Variants in SENP7 observed in about 807,000 individuals in gnomAD.
The protein encoded by SENP7 is SUMO specific peptidase 7.
Under a neutral mutation model 141.2 loss-of-function variants are expected in SENP7, and 64 were observed. The observed-to-expected ratio is 0.45, with a 90% CI of 0.37 to 0.56. SENP7 has a LOEUF of 0.56. Ranked by LOEUF, SENP7 falls within the 20% of genes least tolerant of loss-of-function variation. The pLI is 0.00. For synonymous variants in SENP7, 382 were observed against 426.4 expected, an observed-to-expected ratio of 0.90 and a Z score of 1.28; for missense variants, 1,025 against 1,212.2, an observed-to-expected ratio of 0.85 and a Z score of 2.29.
At chr3:101,503,531 A>G (rs986487064) in intron 1 of SENP7, among the ~76,000 whole-genome samples, 1 of 152,278 alleles carries the variant, frequency 6.6e-6, no homozygotes, top group Admixed American at 6.5e-5. Context: ...AATTACTGCT[A>G]CGCACAATAT....
At chr3:101,463,364 AATATATATATATATATATATAT>A (rs71625265) in intron 3 of SENP7, among the ~76,000 whole-genome samples, 2 of 89,222 alleles carry the variant, frequency 2.2e-5, no homozygotes, top group Non-Finnish European at 4.5e-5. Context: ...TAAATAAATA[AATATATATATATATATATATAT>A]ATATATATAT....
rs771992546 is a variant in SENP7, at chr3:101,343,944, A to G, written c.1848T>C (p.Ser616=). Residue 616 remains serine (S), a synonymous_variant, in exon 14 of 24, where the codon AGT becomes AGC. Coordinates refer to ENST00000394095, the MANE Select transcript of SENP7 (RefSeq NM_020654.5). ...TGTGTAGTTCAAGGAAAATGAATTC[A>G]CTAGATTTTGCTACAAAAGGAAAAA... The part of the protein sequence containing the change: ...HSVLSQQSKS[S]EFIFLELHNP... 6.4e-7 allele frequency: 1 copy of G among 1,568,448 alleles called. No individual in the cohort carries two copies. Among genetic ancestry groups the G allele is most frequent in the African/African-American group, 1.4e-5 (1 of 73,024 alleles).
In SENP7 at chr3:101,513,061, A is replaced by G. The variant is rs760946232; in HGVS notation, c.40+30T>C. The G allele has an allele frequency of 6.2e-6, 10 of 1,611,584 alleles. No individual in the cohort carries two copies. In the South Asian group the frequency reaches 1.1e-4, roughly 18 times the overall value. ...CCGTTTCCCCCGGGTAGGAGACAAT[A>G]TGTTCAGCCCTTCTCTGACCCTTTC... On this transcript the variant is annotated intron_variant, in intron 1 of 23. Transcript: ENST00000394095.
chr3:101,483,251 T>C (rs941637705), intron 3 of SENP7, among the ~76,000 whole-genome samples: 6 of 152,110 alleles, frequency 3.9e-5, no homozygotes, highest in African/African-American at 1.4e-4. Context: ...CACCATGGAA[T>C]GCTATGCGGC....
intron 6 of SENP7, among the ~76,000 whole-genome samples, chr3:101,387,737 T>C (rs1273168564): frequency 6.6e-6 from 1 of 152,194 alleles, no homozygotes; most frequent in Admixed American, 6.5e-5. Flanking sequence ...CCCATGATTC[T>C]TCCGGGAGCC....
In SENP7 at chr3:101,375,546, A is replaced by G. The variant is rs1442260055; in HGVS notation, c.678-3420T>C. On this transcript the variant is annotated intron_variant, in intron 6 of 23. Coordinates refer to ENST00000394095, the MANE Select transcript of SENP7 (RefSeq NM_020654.5). ...AACAAGAGCGAAATTCCATCTCCAA[A>G]AAAAAAAAAAAAAAAAAAAAAAGAA... Among the ~76,000 whole-genome samples the G allele has an allele frequency of 3.8e-4, 55 of 144,864 alleles. No homozygotes were observed. In the East Asian group the frequency reaches 0.011, roughly 28 times the overall value.
chr3:101,445,698 A>G (rs76941326), intron 4 of SENP7, among the ~76,000 whole-genome samples: 14,240 of 152,204 alleles, frequency 0.094, 783 homozygotes, highest in African/African-American at 0.15. Flanking sequence ...AAAAATATAT[A>G]TATCACACAA....
chr3:101,428,640 C>A (rs994911422), intron 4 of SENP7, among the ~76,000 whole-genome samples: 1 of 152,108 alleles, frequency 6.6e-6, no homozygotes. Context: ...TCTCCCATTC[C>A]ATAGGTTGCC....
chr3:101,349,615 C>T (rs2059562845), intron 12 of SENP7, among the ~76,000 whole-genome samples: 1 of 152,032 alleles, frequency 6.6e-6, no homozygotes. Flanking sequence ...AGCATACCAA[C>T]ATGGCACATG....
intron 8 of SENP7, 43 bp from the exon 9 acceptor site, chr3:101,366,812 G>T: frequency 7.3e-7 from 1 of 1,370,474 alleles, no homozygotes; most frequent in East Asian, 2.3e-5. Flanking sequence ...TTTCAAATTT[G>T]GCTTGCTTAA....
chr3:101,499,894 C>A (rs570537667), intron 2 of SENP7, among the ~76,000 whole-genome samples: 1 of 152,200 alleles, frequency 6.6e-6, no homozygotes, highest in African/African-American at 2.4e-5. Flanking sequence ...GTCTTGAACT[C>A]CTGACCTAAG....
intron 5 of SENP7, chr3:101,414,403 C>G (rs1286814043): frequency 1.1e-6 from 1 of 873,598 alleles, no homozygotes; most frequent in Non-Finnish European, 1.9e-6. Flanking sequence ...GCTTCTGGCT[C>G]AAGCCCAGGC....
chr3:101,428,789 T>A (rs1476607513), intron 4 of SENP7, among the ~76,000 whole-genome samples: 9 of 152,346 alleles, frequency 5.9e-5, no homozygotes. Context: ...CTGAATGATA[T>A]TGCCTAGGTT....
At chr3:101,464,090 G>A (rs1180153081) in intron 3 of SENP7, among the ~76,000 whole-genome samples, 1 of 152,138 alleles carries the variant, frequency 6.6e-6, no homozygotes, top group Non-Finnish European at 1.5e-5. Flanking sequence ...CTCCAAAAGT[G>A]CTGGAATTAC....
At chr3:101,435,189 A>G (rs1026676939) in intron 4 of SENP7, among the ~76,000 whole-genome samples, 1 of 151,606 alleles carries the variant, frequency 6.6e-6, no homozygotes, top group African/African-American at 2.4e-5. Flanking sequence ...ATTTCTGTTC[A>G]TGCTGAAAAA....
intron 4 of SENP7, among the ~76,000 whole-genome samples, chr3:101,445,009 C>T (rs1214054789): frequency 6.6e-6 from 1 of 151,932 alleles, no homozygotes; most frequent in African/African-American, 2.4e-5. Context: ...AGATTCAATC[C>T]AAGACACTAA....
intron 1 of SENP7, 111 bp downstream of exon 1, chr3:101,512,980 C>T (rs2065924868): frequency 8.1e-7 from 1 of 1,241,044 alleles, no homozygotes; most frequent in Non-Finnish European, 1.2e-6. Context: ...CCTCTCCCCG[C>T]CCCCGCCCTC....
chr3:101,341,542 G>T, intron 15 of SENP7, 104 bp downstream of exon 15: 1 of 1,073,750 alleles, frequency 9.3e-7, no homozygotes, highest in Non-Finnish European at 1.2e-6. Context: ...CAGCATGAAA[G>T]TAAAACTTAA....
chr3:101,430,247 G>C (rs966070828), intron 4 of SENP7, among the ~76,000 whole-genome samples: 2 of 152,184 alleles, frequency 1.3e-5, no homozygotes, highest in African/African-American at 2.4e-5. Flanking sequence ...GATTGGAATA[G>C]TTTCAGAAGG....
Sources: allele counts gnomAD v4.1 joint callset (sites outside exome capture counted in the v4.1 genomes callset), GRCh38; gene constraint gnomAD v4.1.1; transcripts MANE v1.5; gene names NCBI Gene and HGNC (gene_info 2026-07-23, HGNC 2026-07-21).